The following CAMTA1 variants were observed in gnomAD, a reference collection of about 807,000 sequenced individuals.
CAMTA1 encodes calmodulin binding transcription activator 1.
Under a neutral mutation model 170.9 loss-of-function variants are expected in CAMTA1, and 27 were observed. The ratio of observed to expected loss-of-function variants is 0.16; its 90% CI spans 0.12 to 0.22. The LOEUF (loss-of-function observed/expected upper bound fraction) is 0.22, where lower values mean the gene tolerates loss of function less well. Among genes scored for constraint, CAMTA1 ranks in the 10% least tolerant of loss-of-function variants. The pLI, the probability that CAMTA1 is intolerant of heterozygous loss-of-function variation, is 1.00. For synonymous variants in CAMTA1, 833 were observed against 891.5 expected (o/e 0.93, Z 1.17); for missense variants, 1,619 against 2,217.2 (o/e 0.73, Z 5.42).
Position 7,746,076 on chromosome 1 carries a change from T to C in CAMTA1, c.4602T>C (p.Ala1534=), listed in dbSNP as rs751000016. ...LYEAARLVQT[A]FRKYKGRPLR... is the part of the protein sequence containing the mutation. The stretch of plus-strand genomic sequence containing the variant: ...AGGCTGCCAGGCTTGTCCAGACAGC[T>C]TTCCGGAAATACAAGGTAAACTAGA... Residue 1534 remains alanine, a synonymous_variant, in exon 18 of 23, where the codon GCT becomes GCC. Coordinates refer to ENST00000303635, the MANE Select transcript of CAMTA1 (RefSeq NM_015215.4). The C allele has an allele frequency of 8.1e-6, 13 of 1,614,116 alleles. No individual in the cohort carries two copies. The highest frequency in any genetic ancestry group is 1.7e-5 in the Admixed American group (1 of 60,026).
intron 7 of CAMTA1, among the ~76,000 whole-genome samples, chr1:7,644,075 C>T (rs181001576): frequency 4.6e-4 from 70 of 152,318 alleles, no homozygotes; most frequent in African/African-American, 1.6e-3. Flanking sequence ...TTTCCCTGCC[C>T]GCCAGCGGAG....
At chr1:6,948,247 T>A (rs1490031731) in intron 3 of CAMTA1, among the ~76,000 whole-genome samples, 1 of 152,162 alleles carries the variant, frequency 6.6e-6, no homozygotes, top group Non-Finnish European at 1.5e-5. Context: ...TGCAATGCCT[T>A]TCCCCCAGCT....
intron 22 of CAMTA1, among the ~76,000 whole-genome samples, chr1:7,757,628 A>G (rs888953839): frequency 6.6e-6 from 1 of 152,060 alleles, no homozygotes; most frequent in African/African-American, 2.4e-5. Context: ...TTAGCTGGCC[A>G]TGGTGGCGTG....
intron 3 of CAMTA1, among the ~76,000 whole-genome samples, chr1:6,914,130 GT>G (rs1680281550): frequency 7.5e-6 from 1 of 133,772 alleles, no homozygotes; most frequent in Non-Finnish European, 1.6e-5. Context: ...TTGAGATAGA[GT>G]TTTGCTCTTT....
chr1:7,363,756 T>G (rs903505759), intron 5 of CAMTA1, among the ~76,000 whole-genome samples: 1 of 152,160 alleles, frequency 6.6e-6, no homozygotes, highest in Non-Finnish European at 1.5e-5. Context: ...GCAAGGACTC[T>G]CCATGAGTGG....
At chr1:7,473,294 C>T (rs1055769973) in intron 6 of CAMTA1, among the ~76,000 whole-genome samples, 5 of 152,208 alleles carry the variant, frequency 3.3e-5, no homozygotes, top group Non-Finnish European at 7.4e-5. Flanking sequence ...TGGATCTCTC[C>T]AGCCAGAGCA....
intron 5 of CAMTA1, among the ~76,000 whole-genome samples, chr1:7,363,780 T>C (rs705671): frequency 0.93 from 140,921 of 152,232 alleles, 65,282 homozygotes; most frequent in East Asian, 1. Flanking sequence ...GTGGCAGCGC[T>C]GTGGTTAGCT....
chr1:6,815,470 C>T (rs1210244642), intron 1 of CAMTA1, among the ~76,000 whole-genome samples: 1 of 152,180 alleles, frequency 6.6e-6, no homozygotes, highest in Admixed American at 6.5e-5. Context: ...TTCCAAAGTG[C>T]TGGGATTACA....
chr1:7,003,175 T>G (rs1698492132), intron 3 of CAMTA1, among the ~76,000 whole-genome samples: 2 of 152,214 alleles, frequency 1.3e-5, no homozygotes, highest in African/African-American at 4.8e-5. Flanking sequence ...TTCTAGGCAT[T>G]GCCAATCTGG....
In CAMTA1 at chr1:7,761,118, A is replaced by G. The variant is rs146231193; in HGVS notation, c.4990-5341A>G. Among the ~76,000 whole-genome samples the G allele has an allele frequency of 3.6e-3, 547 of 152,298 alleles. 4 individuals are homozygous for G. Among genetic ancestry groups the G allele is most frequent in the African/African-American group, 0.012 (518 of 41,558 alleles). ...TTGGGAAGGGGGAATTGAGACTACAATGGTATCCCAGAGTGGTGATTATTC... is the reference window on the plus strand; with the variant it reads ...TTGGGAAGGGGGAATTGAGACTACAGTGGTATCCCAGAGTGGTGATTATTC... On this transcript the variant is annotated intron_variant, in intron 22 of 22. Transcript: ENST00000303635.
chr1:7,752,716 C>CCATGCTACCCT (rs1348702091), intron 21 of CAMTA1, among the ~76,000 whole-genome samples, 183 bp downstream of exon 21: 1 of 152,180 alleles, frequency 6.6e-6, no homozygotes, highest in Non-Finnish European at 1.5e-5. Context: ...CCTTGGAGTG[C>CCATGCTACCCT]TGGTAACCAT....
At chr1:7,421,709 G>A (rs1261143963) in intron 5 of CAMTA1, among the ~76,000 whole-genome samples, 1 of 152,196 alleles carries the variant, frequency 6.6e-6, no homozygotes, top group Non-Finnish European at 1.5e-5. Flanking sequence ...ACTCACTGTT[G>A]CCACCTCATT....
In CAMTA1 at chr1:7,634,603, A is replaced by C. The variant is rs1394158322; in HGVS notation, c.511-5797A>C. ...GGGAAAGAGGGAGAAAGAGAGCGAGAGAGAGGGAGGCCAGAGCCCCAGGCT... is the reference window on the plus strand; with the variant it reads ...GGGAAAGAGGGAGAAAGAGAGCGAGCGAGAGGGAGGCCAGAGCCCCAGGCT... On this transcript the variant is annotated intron_variant, in intron 6 of 22. Coordinates refer to ENST00000303635, the MANE Select transcript of CAMTA1 (RefSeq NM_015215.4). This position sits in a 1 kb window ranked among gnomAD's most constrained non-coding sequence, Gnocchi z 6.2. Among the ~76,000 whole-genome samples the C allele has an allele frequency of 1.3e-5, 2 of 151,628 alleles. No homozygotes were observed. The highest frequency in any genetic ancestry group is 2.9e-5 in the Non-Finnish European group (2 of 67,882).
rs574200798 is a variant in CAMTA1 at position 7,641,011 on chromosome 1, C to G, written c.664+458C>G. Among the ~76,000 whole-genome samples the G allele has an allele frequency of 6.6e-6, 1 of 152,164 alleles. No homozygotes were observed. Among genetic ancestry groups the G allele is most frequent in the Admixed American group, 6.5e-5 (1 of 15,278 alleles). The stretch of plus-strand genomic sequence containing the variant: ...CTCAGGGCCTGCCTCGGCTCCCAGG[C>G]TGGGTGGCAAATAGATGATGGTAAT... On this transcript the variant is annotated intron_variant, in intron 7 of 22. Coordinates refer to ENST00000303635, the MANE Select transcript of CAMTA1 (RefSeq NM_015215.4). This position sits in a 1 kb window ranked among gnomAD's most constrained non-coding sequence, Gnocchi z 4.5.
At chr1:6,904,612 G>T (rs1206766659) in intron 3 of CAMTA1, among the ~76,000 whole-genome samples, 1 of 147,556 alleles carries the variant, frequency 6.8e-6, no homozygotes, top group Non-Finnish European at 1.5e-5. Context: ...CTGGAATGCA[G>T]TAGCATGAAC....
chr1:7,309,393 G>A (rs947439910), intron 5 of CAMTA1, among the ~76,000 whole-genome samples: 1 of 148,498 alleles, frequency 6.7e-6, no homozygotes, highest in South Asian at 2.1e-4. Flanking sequence ...TCCGCCTCCT[G>A]GGTTCAAGCA....
chr1:7,539,767 AGGCAGGGCCAGAC>A (rs1198155991), intron 6 of CAMTA1, among the ~76,000 whole-genome samples: 1 of 152,242 alleles, frequency 6.6e-6, no homozygotes, highest in Non-Finnish European at 1.5e-5. Context: ...AGACATAGGA[AGGCAGGGCCAGAC>A]GGCAGGGCCA....
chr1:7,471,872 G>A lies in CAMTA1; in HGVS notation c.510+3971G>A, dbSNP rs373377550. Reference sequence around the variant, plus strand: ...CCTTTCTCCTGGTCCTCCACCTTCCGTCCTTCTCTGCATTCTCCGCCTGCC... The same window carrying A: ...CCTTTCTCCTGGTCCTCCACCTTCCATCCTTCTCTGCATTCTCCGCCTGCC... On this transcript the variant is annotated intron_variant, in intron 6 of 22. Coordinates refer to ENST00000303635, the MANE Select transcript of CAMTA1 (RefSeq NM_015215.4). Among the ~76,000 whole-genome samples the A allele has an allele frequency of 2.6e-5, 4 of 152,306 alleles. No individual in the cohort carries two copies. The East Asian group carries it at 7.7e-4, about 29-fold the overall frequency.
chr1:6,912,256 A>G (rs551217673), intron 3 of CAMTA1, among the ~76,000 whole-genome samples: 1 of 152,328 alleles, frequency 6.6e-6, no homozygotes, highest in Admixed American at 6.5e-5. Flanking sequence ...GAGTAGCTGT[A>G]ACCCTGAAGG....
Sources: allele counts gnomAD v4.1 joint callset (sites outside exome capture counted in the v4.1 genomes callset), GRCh38; gene constraint gnomAD v4.1.1; non-coding constraint Gnocchi (gnomAD v3.1); transcripts MANE v1.5; gene names NCBI Gene and HGNC (gene_info 2026-07-23, HGNC 2026-07-21).